PTPRK: variants seen among roughly 807,000 people sequenced by gnomAD.
PTPRK encodes receptor-type tyrosine-protein phosphatase kappa.
In PTPRK, 75 loss-of-function variants were observed where a neutral mutation model predicts 178.0. That is an observed-to-expected ratio of 0.42 (90% CI 0.35 to 0.51). The LOEUF (loss-of-function observed/expected upper bound fraction) is 0.51. PTPRK is among the 20% of genes least tolerant of loss of function. The probability of loss-of-function intolerance (pLI) is 0.02; values close to 1 mark genes in which losing one functional copy is unlikely to be tolerated. For synonymous variants in PTPRK, 637 were observed against 620.6 expected (o/e 1.03, Z -0.39); for missense variants, 1,441 against 1,797.8 (o/e 0.80, Z 3.59).
chr6:128,192,666 A>G (rs932217137), intron 6 of PTPRK, among the ~76,000 whole-genome samples: 6 of 151,942 alleles, frequency 3.9e-5, no homozygotes, highest in Non-Finnish European at 8.8e-5. Flanking sequence ...CAAAAAATAC[A>G]GAAATTAGCC....
chr6:128,142,500 CAT>C (rs141732749), intron 7 of PTPRK, among the ~76,000 whole-genome samples: 11,421 of 151,472 alleles, frequency 0.075, 807 homozygotes, highest in East Asian at 0.41. Flanking sequence ...CAAATTCTCC[CAT>C]GTGTGTGTGT....
intron 1 of PTPRK, among the ~76,000 whole-genome samples, chr6:128,424,109 T>C (rs1020600695): frequency 2.0e-5 from 3 of 150,320 alleles, no homozygotes; most frequent in Non-Finnish European, 4.4e-5. Flanking sequence ...GGCAGGTGCC[T>C]GTAGTCCCAG....
intron 1 of PTPRK, among the ~76,000 whole-genome samples, chr6:128,453,586 A>C (rs943075816): frequency 6.6e-6 from 1 of 152,216 alleles, no homozygotes; most frequent in African/African-American, 2.4e-5. Context: ...ATGAACAAAT[A>C]TAAGGAAGCA....
chr6:128,155,615 A>G (rs980102218), intron 7 of PTPRK, among the ~76,000 whole-genome samples: 2 of 151,500 alleles, frequency 1.3e-5, no homozygotes, highest in African/African-American at 4.8e-5. Flanking sequence ...AAAACCTGCA[A>G]TTACTTTTGC....
chr6:128,108,069 AACACACACAC>A (rs67513455), intron 7 of PTPRK, among the ~76,000 whole-genome samples: 2,088 of 133,854 alleles, frequency 0.016, 29 homozygotes, highest in African/African-American at 0.033. Flanking sequence ...TAAATAGCAA[AACACACACAC>A]ACACACACAC....
intron 13 of PTPRK, among the ~76,000 whole-genome samples, chr6:128,030,797 C>T (rs1262116524): frequency 6.6e-6 from 1 of 152,136 alleles, no homozygotes; most frequent in East Asian, 1.9e-4. Flanking sequence ...GAATTTCAAG[C>T]TGACATAAAA....
intron 13 of PTPRK, among the ~76,000 whole-genome samples, chr6:128,017,471 T>A (rs1374288191): frequency 6.6e-6 from 1 of 151,634 alleles, no homozygotes; most frequent in Non-Finnish European, 1.5e-5. Flanking sequence ...CCTAAATTGA[T>A]CATGCTTTCA....
chr6:128,157,749 C>T lies in PTPRK; in HGVS notation c.1162+26683G>A, dbSNP rs575345237. ...TGCATAAATGTCTTCTTTTGAGAAG[C>T]GTCTGTTCATATCCTTCACCCACTT... On this transcript the variant is annotated intron_variant, in intron 7 of 29. Coordinates refer to ENST00000368226, the MANE Select transcript of PTPRK (RefSeq NM_002844.4). Among the ~76,000 whole-genome samples, 113 of 152,000 alleles carry T rather than the reference C, an allele frequency of 7.4e-4. 1 individual carries two copies. The highest frequency in any genetic ancestry group is 4.1e-3 in the East Asian group (21 of 5,148).
chr6:128,022,839 A>G (rs1171585018), intron 13 of PTPRK, among the ~76,000 whole-genome samples: 2 of 152,172 alleles, frequency 1.3e-5, no homozygotes, highest in African/African-American at 4.8e-5. Flanking sequence ...TGTTTTCACA[A>G]TTTGAGAGAC....
At chr6:128,222,960 C>T (rs1810673327) in intron 5 of PTPRK, among the ~76,000 whole-genome samples, 1 of 152,118 alleles carries the variant, frequency 6.6e-6, no homozygotes. Context: ...ATTCCATCAG[C>T]TCATATATAC....
chr6:128,044,778 T>C (rs1777774591), intron 13 of PTPRK, among the ~76,000 whole-genome samples: 1 of 152,018 alleles, frequency 6.6e-6, no homozygotes, highest in Non-Finnish European at 1.5e-5. Flanking sequence ...TTTTCTTCAC[T>C]GAATTATGTA....
At chr6:128,270,649 A>G (rs1819661142) in intron 3 of PTPRK, among the ~76,000 whole-genome samples, 1 of 152,186 alleles carries the variant, frequency 6.6e-6, no homozygotes. Flanking sequence ...TGTCAGAAAC[A>G]TCAATTATAT....
At chr6:128,083,645 A>G in intron 9 of PTPRK, 70 bp downstream of exon 9, 1 of 850,232 alleles carries the variant, frequency 1.2e-6, no homozygotes, top group Non-Finnish European at 1.8e-6. Flanking sequence ...ATTTCCCTCT[A>G]ACTTTTCCTT....
chr6:128,514,058 C>T lies in PTPRK; in HGVS notation c.100+6201G>A, dbSNP rs543952972. On this transcript the variant is annotated intron_variant, in intron 1 of 29. Coordinates refer to ENST00000368226, the MANE Select transcript of PTPRK (RefSeq NM_002844.4). ...GCTGGTCAGCTGCTGCCTTGAACAGCGCTTGGAGAATCGGCCTATGAGCAG... is the reference window on the plus strand; with the variant it reads ...GCTGGTCAGCTGCTGCCTTGAACAGTGCTTGGAGAATCGGCCTATGAGCAG... Among the ~76,000 whole-genome samples the T allele has an allele frequency of 4.7e-4, 71 of 152,234 alleles. 1 individual carries two copies. In the South Asian group the frequency reaches 0.013, roughly 28 times the overall value.
intron 3 of PTPRK, among the ~76,000 whole-genome samples, chr6:128,291,074 G>A (rs906509367): frequency 6.6e-6 from 1 of 152,076 alleles, no homozygotes; most frequent in Admixed American, 6.6e-5. Context: ...TACCAGTCAG[G>A]TGACCTTGAA....
rs555969188 is a variant in PTPRK at position 128,403,056 on chromosome 6, G to A, written c.101-5368C>T. On this transcript the variant is annotated intron_variant, in intron 1 of 29. Transcript: ENST00000368226. ...CAAACCCATTATTTATTGATAGGTAGAAATAACTCTTAATGATGACAGAAG... is the reference window on the plus strand; with the variant it reads ...CAAACCCATTATTTATTGATAGGTAAAAATAACTCTTAATGATGACAGAAG... Among the ~76,000 whole-genome samples the A allele has an allele frequency of 2.6e-5, 4 of 152,176 alleles. No individual in the cohort carries two copies. The South Asian group carries it at 8.3e-4, about 32-fold the overall frequency.
chr6:127,975,483 T>C (rs529712679), intron 27 of PTPRK, among the ~76,000 whole-genome samples: 3 of 152,268 alleles, frequency 2.0e-5, no homozygotes, highest in East Asian at 3.9e-4. Context: ...GACACACACG[T>C]AGTCATTTTG....
At chr6:128,324,574 TTAAA>T (rs1829292182) in intron 2 of PTPRK, among the ~76,000 whole-genome samples, 1 of 152,042 alleles carries the variant, frequency 6.6e-6, no homozygotes, top group Admixed American at 6.6e-5. Flanking sequence ...TTCAAGCAAG[TTAAA>T]TAATAAAGAA....
intron 1 of PTPRK, among the ~76,000 whole-genome samples, chr6:128,507,851 A>C (rs536099120): frequency 2.6e-5 from 4 of 152,278 alleles, no homozygotes; most frequent in African/African-American, 9.6e-5. Context: ...AACCTCCAGA[A>C]AACAAATGTG....
Sources: gnomAD v4.1 joint callset for allele counts (sites outside exome capture counted in the v4.1 genomes callset) on GRCh38, gnomAD v4.1.1 for gene constraint, MANE v1.5 for transcripts, NCBI Gene and HGNC (gene_info 2026-07-23, HGNC 2026-07-21) for gene names.